Variants in MAPKAPK2 observed in about 807,000 individuals in gnomAD.
The protein encoded by MAPKAPK2 is MAPK activated protein kinase 2.
Under a neutral mutation model 48.8 loss-of-function variants are expected in MAPKAPK2, and 9 were observed. The ratio of observed to expected loss-of-function variants is 0.18; its 90% CI spans 0.11 to 0.32. The LOEUF (loss-of-function observed/expected upper bound fraction) is 0.32. Ranked by LOEUF, MAPKAPK2 falls within the 10% of genes least tolerant of loss-of-function variation. MAPKAPK2 has a pLI of 1.00. For synonymous variants in MAPKAPK2, 202 were observed against 190.6 expected, an observed-to-expected ratio of 1.06 and a Z score of -0.49; for missense variants, 331 against 498.3, an observed-to-expected ratio of 0.66 and a Z score of 3.20.
At chr1:206,693,476 C>T (rs910713146) in intron 1 of MAPKAPK2, among the ~76,000 whole-genome samples, 25 of 152,118 alleles carry the variant, frequency 1.6e-4, no homozygotes, top group Admixed American at 4.6e-4. Flanking sequence ...TGTATGAAAG[C>T]TCCGTGAAGC....
At chr1:206,725,095 A>G (rs1673663198) in intron 1 of MAPKAPK2, among the ~76,000 whole-genome samples, 1 of 152,238 alleles carries the variant, frequency 6.6e-6, no homozygotes, top group East Asian at 1.9e-4. Context: ...ACTGTGCTAC[A>G]TCCGTCTCCT....
At chr1:206,696,199 C>T in intron 1 of MAPKAPK2, 2 of 1,495,336 alleles carry the variant, frequency 1.3e-6, no homozygotes, top group South Asian at 1.1e-5. Flanking sequence ...TACATTCTCT[C>T]CTTCAGCCAC....
At chr1:206,695,497 T>C (rs1672587772) in intron 1 of MAPKAPK2, among the ~76,000 whole-genome samples, 1 of 150,648 alleles carries the variant, frequency 6.6e-6, no homozygotes, top group Admixed American at 6.6e-5. Flanking sequence ...TCTCCCCAGC[T>C]TAAGTGGCTT....
Position 206,732,160 on chromosome 1 carries a change from T to C in MAPKAPK2, c.1059+241T>C, listed in dbSNP as rs1300922619. ...AGAATCCTTTTATTCCCTGGGTCTC[T>C]AATGGGACCTTAAAGACCATCTGGT... On this transcript the variant is annotated intron_variant, in intron 9 of 9. Coordinates refer to ENST00000367103, the MANE Select transcript of MAPKAPK2 (RefSeq NM_032960.4). This position sits in a 1 kb window ranked among gnomAD's most constrained non-coding sequence, Gnocchi z 4.4. 5 of 1,610,502 alleles carry C rather than the reference T, an allele frequency of 3.1e-6. No individual in the cohort carries two copies. The highest frequency in any genetic ancestry group is 2.7e-5 in the African/African-American group (2 of 74,846).
intron 1 of MAPKAPK2, among the ~76,000 whole-genome samples, chr1:206,719,454 T>TA (rs1673444206): frequency 6.6e-6 from 1 of 152,224 alleles, no homozygotes; most frequent in South Asian, 2.1e-4. Flanking sequence ...TAATAACAAA[T>TA]AGAGACTTGC....
At chr1:206,695,771 TC>T (rs34268218) in intron 1 of MAPKAPK2, 103,620 of 210,160 alleles carry the variant, frequency 0.49, 22,745 homozygotes, top group East Asian at 0.74. Flanking sequence ...TCTCTCTCTC[TC>T]TTTTTTTTTT....
intron 1 of MAPKAPK2, among the ~76,000 whole-genome samples, chr1:206,712,063 C>T (rs1673163711): frequency 6.6e-6 from 1 of 152,184 alleles, no homozygotes; most frequent in Non-Finnish European, 1.5e-5. Context: ...TGTGAAGTAA[C>T]TGGCTAAGGT....
At chr1:206,698,915 A>G (rs895317944) in intron 1 of MAPKAPK2, among the ~76,000 whole-genome samples, 11 of 152,374 alleles carry the variant, frequency 7.2e-5, no homozygotes, top group African/African-American at 1.9e-4. Context: ...GTCTAACTCT[A>G]AAACCTAGGC....
chr1:206,690,564 G>C (rs1202256223), intron 1 of MAPKAPK2, among the ~76,000 whole-genome samples: 1 of 152,206 alleles, frequency 6.6e-6, no homozygotes, highest in African/African-American at 2.4e-5. Context: ...CTGAGAGGTT[G>C]GGCCATCCAT....
intron 1 of MAPKAPK2, among the ~76,000 whole-genome samples, chr1:206,686,987 G>C (rs1253000742): frequency 2.6e-5 from 4 of 152,204 alleles, no homozygotes; most frequent in African/African-American, 4.8e-5. Context: ...AGGGAAAGGA[G>C]GAGGAGGAGT....
At position 206,729,399 on chromosome 1, in the gene MAPKAPK2, C is replaced by T; in HGVS notation, c.488C>T (p.Ala163Val). ...CACTCTTCCCTCCCCTCTACAGAAG[C>T]ATCCGAAATCATGAAGAGCATCGGT... ...RGDQAFTERE[A>V]SEIMKSIGEA... The change falls in exon 4 of 10, where the codon GCA (alanine) becomes GTA (valine). Residue 163 changes from alanine to valine, a missense_variant. Physicochemically the swap from Ala to Val is moderately conservative, Grantham distance 64. Coordinates refer to ENST00000367103, the MANE Select transcript of MAPKAPK2 (RefSeq NM_032960.4). The T allele has an allele frequency of 6.2e-7, 1 of 1,613,042 alleles. No homozygotes were observed.
At chr1:206,699,649 C>T (rs1672736595) in intron 1 of MAPKAPK2, among the ~76,000 whole-genome samples, 1 of 152,198 alleles carries the variant, frequency 6.6e-6, no homozygotes, top group Non-Finnish European at 1.5e-5. Flanking sequence ...CCTTTTTATC[C>T]TCCTTTGGGC....
rs556132171 is a variant in MAPKAPK2, at chr1:206,724,213, G to T, written c.280-4497G>T. Among the ~76,000 whole-genome samples the T allele has an allele frequency of 2.0e-5, 3 of 152,326 alleles. No individual in the cohort carries two copies. The South Asian group carries it at 6.2e-4, about 32-fold the overall frequency. On this transcript the variant is annotated intron_variant, in intron 1 of 9. Transcript: ENST00000367103. ...GAGCAGGGGCCTTGGCTTCTGGGTG[G>T]ACCTGCCGCCTCGCTCTGCTGGTGG...
At chr1:206,700,776 C>T (rs1672771110) in intron 1 of MAPKAPK2, among the ~76,000 whole-genome samples, 1 of 152,172 alleles carries the variant, frequency 6.6e-6, no homozygotes, top group Non-Finnish European at 1.5e-5. Flanking sequence ...CCTAGTAGAG[C>T]CAAAAGTTCC....
At chr1:206,695,772 C>T (rs66742535) in intron 1 of MAPKAPK2, 6,666 of 51,810 alleles carry the variant, frequency 0.13, 118 homozygotes, top group East Asian at 0.23. Flanking sequence ...CTCTCTCTCT[C>T]TTTTTTTTTT....
intron 1 of MAPKAPK2, among the ~76,000 whole-genome samples, chr1:206,720,986 G>A (rs564608011): frequency 2.0e-5 from 3 of 152,254 alleles, no homozygotes; most frequent in African/African-American, 7.2e-5. Context: ...ACTTATCTCT[G>A]GGCCTTAAGT....
Position 206,733,453 on chromosome 1 carries a change from C to T in MAPKAPK2, c.*735C>T, listed in dbSNP as rs1674001968. On this transcript the variant is annotated 3_prime_UTR_variant, in exon 10 of 10. Transcript: ENST00000367103. Reference sequence around the variant, plus strand: ...TCTGCCCTGCCCATACTGAGCCTGCCAAAGTGCCTGGGAAGCCCACCCAGA... The same window carrying T: ...TCTGCCCTGCCCATACTGAGCCTGCTAAAGTGCCTGGGAAGCCCACCCAGA... 6.6e-6 allele frequency: 1 copy of T among 152,346 alleles called. No homozygotes were observed. The highest frequency in any genetic ancestry group is 1.5e-5 in the Non-Finnish European group (1 of 68,100). The allele number at this position is 152,346 out of a possible 1,614,324, so 9.4% of individuals were successfully genotyped here.
intron 1 of MAPKAPK2, among the ~76,000 whole-genome samples, chr1:206,691,401 G>A (rs1672449055): frequency 6.7e-6 from 1 of 149,810 alleles, no homozygotes; most frequent in Non-Finnish European, 1.5e-5. Context: ...GTGTAATAAC[G>A]TATGGCAGTT....
intron 6 of MAPKAPK2, 49 bp downstream of exon 6, chr1:206,730,812 C>A: frequency 1.3e-6 from 2 of 1,575,538 alleles, no homozygotes; most frequent in South Asian, 2.2e-5. Context: ...TCAGGGCGGC[C>A]TGTACTTCTC....
Sources: gnomAD v4.1 joint callset for allele counts (sites outside exome capture counted in the v4.1 genomes callset) on GRCh38, gnomAD v4.1.1 for gene constraint, Gnocchi (gnomAD v3.1) non-coding constraint, MANE v1.5 for transcripts, NCBI Gene and HGNC (gene_info 2026-07-23, HGNC 2026-07-21) for gene names.